NXPH1: variants seen among roughly 807,000 people sequenced by gnomAD.
NXPH1 encodes the protein neurexophilin 1.
In NXPH1, 5 loss-of-function variants were observed where a neutral mutation model predicts 23.7. The ratio of observed to expected loss-of-function variants is 0.21; its 90% confidence interval spans 0.11 to 0.44. The LOEUF (loss-of-function observed/expected upper bound fraction) is 0.44, where lower values mean the gene tolerates loss of function less well. Among genes scored for constraint, NXPH1 ranks in the 20% least tolerant of loss-of-function variants. The probability of loss-of-function intolerance (pLI) is 0.99; values close to 1 mark genes in which losing one functional copy is unlikely to be tolerated. For synonymous variants in NXPH1, 144 were observed against 122.2 expected (o/e 1.18, Z -1.18); for missense variants, 324 against 321.6 (o/e 1.01, Z -0.06).
At chr7:8,478,279 A>C (rs1463688133) in intron 2 of NXPH1, among the ~76,000 whole-genome samples, 1 of 152,126 alleles carries the variant, frequency 6.6e-6, no homozygotes, top group Admixed American at 6.6e-5. Flanking sequence ...GTAATGTGAT[A>C]TATAAAAATA....
intron 2 of NXPH1, among the ~76,000 whole-genome samples, chr7:8,539,235 A>G (rs1563339800): frequency 2.6e-5 from 4 of 151,814 alleles, no homozygotes; most frequent in Admixed American, 2.0e-4. Context: ...CAAGAAGCTA[A>G]GGGATAATAT....
intron 2 of NXPH1, among the ~76,000 whole-genome samples, chr7:8,581,448 T>C (rs74833262): frequency 0.064 from 9,700 of 152,064 alleles, 358 homozygotes; most frequent in East Asian, 0.15. Context: ...AGAGAGAGAA[T>C]GGGGGAAGTG....
chr7:8,466,836 T>G (rs530284319), intron 2 of NXPH1, among the ~76,000 whole-genome samples: 1 of 152,180 alleles, frequency 6.6e-6, no homozygotes, highest in East Asian at 1.9e-4. Flanking sequence ...CTCCATTTTG[T>G]GGTTGGGAGG....
chr7:8,703,786 A>T (rs1036961158), intron 2 of NXPH1, among the ~76,000 whole-genome samples: 3 of 152,098 alleles, frequency 2.0e-5, no homozygotes, highest in Non-Finnish European at 4.4e-5. Flanking sequence ...GAAAGATTTT[A>T]TTCCTTATTA....
At chr7:8,673,806 A>G (rs1041447044) in intron 2 of NXPH1, among the ~76,000 whole-genome samples, 4 of 152,110 alleles carry the variant, frequency 2.6e-5, no homozygotes, top group Non-Finnish European at 5.9e-5. Context: ...CTACAGGAAG[A>G]TAGTGCTACT....
In NXPH1 at chr7:8,595,004, G is replaced by A. The variant is rs534795651; in HGVS notation, c.55-156004G>A. On this transcript the variant is annotated intron_variant, in intron 2 of 2. Transcript: ENST00000405863. ...AGCTCTTGAACCTGACAAAGCTACC[G>A]AGGTTCACAAAAGTGAAGTTACAGC... 6.2e-4 allele frequency among the ~76,000 whole-genome samples: 94 copies of A among 152,100 alleles called. No homozygotes were observed. The Middle Eastern group carries it at 0.01, about 17-fold the overall frequency.
intron 2 of NXPH1, among the ~76,000 whole-genome samples, chr7:8,650,647 C>T (rs2115151731): frequency 6.6e-6 from 1 of 152,338 alleles, no homozygotes; most frequent in East Asian, 1.9e-4. Flanking sequence ...CAATGACAAT[C>T]ATGTGGCCTC....
Position 8,751,388 on chromosome 7 carries a change from C to A in NXPH1, c.435C>A (p.Gly145=). ...LLITGKIVDH[G]NGTFSVYFRH... is the part of the protein sequence containing the mutation. ...TAACTGGGAAAATTGTAGATCATGG[C>A]AATGGGACATTTAGTGTTTATTTCA... Residue 145 remains glycine, a synonymous_variant, in exon 3 of 3, where the codon GGC becomes GGA. Coordinates refer to ENST00000405863, the MANE Select transcript of NXPH1 (RefSeq NM_152745.3). The surrounding 1 kb of genome is among the most constrained non-coding windows in gnomAD (Gnocchi z 4.5). 6.2e-7 allele frequency: 1 copy of A among 1,613,848 alleles called. No homozygotes were observed. The highest frequency in any genetic ancestry group is 8.5e-7 in the Non-Finnish European group (1 of 1,179,842).
At chr7:8,719,968 T>G (rs1012298165) in intron 2 of NXPH1, among the ~76,000 whole-genome samples, 1 of 152,168 alleles carries the variant, frequency 6.6e-6, no homozygotes, top group Non-Finnish European at 1.5e-5. Flanking sequence ...TTCAAGAGAT[T>G]ATGGCTTCAT....
At chr7:8,478,369 C>A (rs980928129) in intron 2 of NXPH1, among the ~76,000 whole-genome samples, 1 of 151,828 alleles carries the variant, frequency 6.6e-6, no homozygotes, top group Non-Finnish European at 1.5e-5. Flanking sequence ...GGGGGTGTAA[C>A]TCCAGAAACA....
chr7:8,599,630 C>T (rs1026978577), intron 2 of NXPH1, among the ~76,000 whole-genome samples: 1 of 152,046 alleles, frequency 6.6e-6, no homozygotes, highest in Admixed American at 6.6e-5. Context: ...TTCTTACCTG[C>T]CTGTCAAACA....
chr7:8,735,556 T>C (rs572165333), intron 2 of NXPH1, among the ~76,000 whole-genome samples: 161 of 152,328 alleles, frequency 1.1e-3, no homozygotes, highest in Non-Finnish European at 2.0e-3. Flanking sequence ...TTATTGAGGA[T>C]TTTCACATTG....
At chr7:8,538,625 T>A (rs1254368831) in intron 2 of NXPH1, among the ~76,000 whole-genome samples, 1 of 151,944 alleles carries the variant, frequency 6.6e-6, no homozygotes, top group African/African-American at 2.4e-5. Context: ...ATCTTAATTA[T>A]CAACTTTTCC....
chr7:8,490,182 T>C (rs940117362), intron 2 of NXPH1, among the ~76,000 whole-genome samples: 1 of 152,028 alleles, frequency 6.6e-6, no homozygotes, highest in African/African-American at 2.4e-5. Context: ...TTTCTGCTAA[T>C]AAAAAATAAT....
chr7:8,464,966 A>C (rs1816757069), intron 2 of NXPH1, among the ~76,000 whole-genome samples: 1 of 152,182 alleles, frequency 6.6e-6, no homozygotes, highest in Admixed American at 6.5e-5. Context: ...GAGAAGGACC[A>C]AAATGTGCTT....
chr7:8,670,965 G>A (rs558738044), intron 2 of NXPH1, among the ~76,000 whole-genome samples: 2 of 152,200 alleles, frequency 1.3e-5, no homozygotes, highest in South Asian at 2.1e-4. Flanking sequence ...TACTTGGGAT[G>A]TACTCATCTG....
intron 2 of NXPH1, among the ~76,000 whole-genome samples, chr7:8,467,288 C>T (rs544939708): frequency 6.6e-6 from 1 of 152,202 alleles, no homozygotes; most frequent in African/African-American, 2.4e-5. Flanking sequence ...GTATTAATAG[C>T]TAAAGACTGT....
chr7:8,476,643 A>G (rs150534992), intron 2 of NXPH1, among the ~76,000 whole-genome samples: 1 of 152,074 alleles, frequency 6.6e-6, no homozygotes, highest in Non-Finnish European at 1.5e-5. Context: ...AATGCTATAC[A>G]TTATTTATTT....
intron 2 of NXPH1, among the ~76,000 whole-genome samples, chr7:8,460,915 C>T (rs1816683568): frequency 6.6e-6 from 1 of 152,180 alleles, no homozygotes; most frequent in African/African-American, 2.4e-5. Context: ...TGTGAAAGTA[C>T]CTGGCACTCA....
Sources: gnomAD v4.1 joint callset for allele counts (sites outside exome capture counted in the v4.1 genomes callset) on GRCh38, gnomAD v4.1.1 for gene constraint, Gnocchi (gnomAD v3.1) non-coding constraint, MANE v1.5 for transcripts, NCBI Gene and HGNC (gene_info 2026-07-23, HGNC 2026-07-21) for gene names.